The following INPP4A variants were observed in gnomAD, a reference collection of about 807,000 sequenced individuals.
INPP4A encodes the protein inositol polyphosphate-4-phosphatase type I A.
Under a neutral mutation model 119.8 loss-of-function variants are expected in INPP4A, and 33 were observed. That is an observed-to-expected ratio of 0.28 (90% CI 0.21 to 0.37). INPP4A has a LOEUF of 0.37. INPP4A is among the 10% of genes least tolerant of loss of function. INPP4A has a pLI of 1.00. For synonymous variants in INPP4A, 496 were observed against 500.7 expected, an observed-to-expected ratio of 0.99 and a Z score of 0.12; for missense variants, 956 against 1,289.9, an observed-to-expected ratio of 0.74 and a Z score of 3.97.
chr2:98,515,395 C>A (rs1440912592), intron 1 of INPP4A, among the ~76,000 whole-genome samples: 1 of 151,548 alleles, frequency 6.6e-6, no homozygotes, highest in African/African-American at 2.4e-5. Flanking sequence ...GCTTCTCAGC[C>A]CATTTGCTGC....
chr2:98,499,898 C>T (rs918449191), intron 1 of INPP4A, among the ~76,000 whole-genome samples: 1 of 152,214 alleles, frequency 6.6e-6, no homozygotes, highest in East Asian at 1.9e-4. Flanking sequence ...GTCAGGCTAA[C>T]TGACCAGCCT....
chr2:98,525,092 G>A (rs1434579013), intron 4 of INPP4A, among the ~76,000 whole-genome samples: 2 of 152,132 alleles, frequency 1.3e-5, no homozygotes, highest in African/African-American at 4.8e-5. Flanking sequence ...CTATTTCCTT[G>A]CTCATTCGCG....
intron 1 of INPP4A, among the ~76,000 whole-genome samples, chr2:98,495,821 A>G (rs1172412596): frequency 1.3e-5 from 2 of 152,212 alleles, no homozygotes; most frequent in Non-Finnish European, 2.9e-5. Context: ...AAATCGTGCC[A>G]GACTCTTAGT....
chr2:98,531,916 T>G (rs536029981), intron 4 of INPP4A, among the ~76,000 whole-genome samples: 25 of 152,296 alleles, frequency 1.6e-4, no homozygotes, highest in African/African-American at 6.0e-4. Context: ...GGGGTAAACA[T>G]CTGGGTTATA....
chr2:98,461,698 C>T (rs970435144), intron 1 of INPP4A, among the ~76,000 whole-genome samples: 2 of 152,160 alleles, frequency 1.3e-5, no homozygotes, highest in South Asian at 4.1e-4. Flanking sequence ...TGAAGTTATG[C>T]TGTGTATATG....
intron 24 of INPP4A, among the ~76,000 whole-genome samples, chr2:98,582,800 T>G (rs1699506356): frequency 6.8e-6 from 1 of 148,036 alleles, no homozygotes; most frequent in African/African-American, 2.5e-5. Context: ...ACCTACCGCA[T>G]AAGTCAGACA....
At chr2:98,488,831 G>T (rs1051461136) in intron 1 of INPP4A, among the ~76,000 whole-genome samples, 8 of 152,136 alleles carry the variant, frequency 5.3e-5, no homozygotes, top group African/African-American at 1.9e-4. Flanking sequence ...CGGGCTGGAG[G>T]GGGTGGAGTA....
intron 10 of INPP4A, among the ~76,000 whole-genome samples, chr2:98,542,485 C>T (rs1445545826): frequency 2.6e-5 from 4 of 152,184 alleles, no homozygotes; most frequent in Admixed American, 2.6e-4. Context: ...TTCTGATCTA[C>T]TTCCCGGAAG....
rs201695585 is a variant in INPP4A, at chr2:98,564,771, G to T, written c.2152+8G>T. ...GCCTGCTGAGCACCTACGGTGAGGC[G>T]CCCGGGCCAGGATCGGGAGCCCCAC... On this transcript the variant is annotated splice_region_variant and intron_variant, in intron 19 of 24. Transcript: ENST00000409851. The T allele has an allele frequency of 4.4e-6, 7 of 1,574,410 alleles. No individual in the cohort carries two copies. The highest frequency in any genetic ancestry group is 1.7e-4 in the Middle Eastern group (1 of 6,028).
chr2:98,560,988 C>G (rs1338294231), intron 17 of INPP4A, among the ~76,000 whole-genome samples: 1 of 152,198 alleles, frequency 6.6e-6, no homozygotes, highest in East Asian at 1.9e-4. Context: ...ACAGTTGATG[C>G]TGATGGACTA....
chr2:98,543,473 C>T (rs1022058787), intron 10 of INPP4A, among the ~76,000 whole-genome samples: 2 of 152,198 alleles, frequency 1.3e-5, no homozygotes, highest in Admixed American at 6.5e-5. Context: ...CTGCAGTCCT[C>T]TCTGTTCCGG....
intron 14 of INPP4A, among the ~76,000 whole-genome samples, 195 bp downstream of exon 14, chr2:98,553,164 AGGGCAGAG>A (rs1693834631): frequency 1.3e-5 from 2 of 152,252 alleles, no homozygotes; most frequent in Non-Finnish European, 2.9e-5. Context: ...GGACAGACCA[AGGGCAGAG>A]CCCAGGGCTC....
At chr2:98,499,580 C>T (rs560312946) in intron 1 of INPP4A, among the ~76,000 whole-genome samples, 3 of 152,342 alleles carry the variant, frequency 2.0e-5, no homozygotes, top group South Asian at 2.1e-4. Context: ...TGGAGGCTTA[C>T]TTATTTTCTC....
chr2:98,470,673 T>C (rs970046034), intron 1 of INPP4A, among the ~76,000 whole-genome samples: 17 of 152,066 alleles, frequency 1.1e-4, no homozygotes, highest in African/African-American at 2.2e-4. Flanking sequence ...TTTTCTTTTT[T>C]TTTTTGTTTT....
chr2:98,558,646 A>G (rs1191892639), intron 16 of INPP4A, among the ~76,000 whole-genome samples: 1 of 152,216 alleles, frequency 6.6e-6, no homozygotes, highest in African/African-American at 2.4e-5. Context: ...TCCTGAAGAC[A>G]TTGTTTGAAC....
intron 1 of INPP4A, among the ~76,000 whole-genome samples, chr2:98,466,704 A>G (rs1340918321): frequency 6.6e-6 from 1 of 152,184 alleles, no homozygotes; most frequent in Non-Finnish European, 1.5e-5. Context: ...CCAAACTCAC[A>G]GGAGAGAGAG....
rs1356138334 is a variant in INPP4A, at chr2:98,589,705, TGAGGGTGTGTGGCACA to T, written c.*2102_*2117del. ...TCACACGCTTCCAGTGCCTGCAGGG[TGAGGGTGTGTGGCACA>T]GAGGCAAGCAGCTCCTCTCTTCTGT... On this transcript the variant is annotated 3_prime_UTR_variant, in exon 25 of 25. Coordinates refer to ENST00000409851, the MANE Select transcript of INPP4A (RefSeq NM_001134225.2). The T allele has an allele frequency of 5.5e-6, 1 of 181,034 alleles. No individual in the cohort carries two copies. The highest frequency in any genetic ancestry group is 6.3e-5 in the Admixed American group (1 of 15,890). The allele number at this position is 181,034 out of a possible 1,614,324, so 11.2% of individuals were successfully genotyped here. A position where few individuals can be genotyped will look rare whatever the true frequency, so the allele number is the denominator to read the frequency against.
At chr2:98,474,800 A>G (rs1161827330) in intron 1 of INPP4A, among the ~76,000 whole-genome samples, 1 of 152,154 alleles carries the variant, frequency 6.6e-6, no homozygotes, top group African/African-American at 2.4e-5. Flanking sequence ...AACATCTTCA[A>G]ATAAGTTTTC....
At position 98,589,038 on chromosome 2, in the gene INPP4A, G is replaced by A. The variant is rs1056913998; in HGVS notation, c.*1430G>A. On this transcript the variant is annotated 3_prime_UTR_variant, in exon 25 of 25. Coordinates refer to ENST00000409851, the MANE Select transcript of INPP4A (RefSeq NM_001134225.2). ...GGAACACAGAGGGGGTGGGCATCAGGTAGGGTGGAACTGGATGACCTTCCA... is the reference window on the plus strand; with the variant it reads ...GGAACACAGAGGGGGTGGGCATCAGATAGGGTGGAACTGGATGACCTTCCA... The A allele has an allele frequency of 4.9e-5, 9 of 182,704 alleles. No individual in the cohort carries two copies. Among genetic ancestry groups the A allele is most frequent in the Non-Finnish European group, 1.0e-4 (9 of 85,892 alleles). 11.3% of individuals were successfully genotyped at this position (182,704 alleles called of 1,614,324 possible). A position where few individuals can be genotyped will look rare whatever the true frequency, so the allele number is the denominator to read the frequency against.
Sources: gnomAD v4.1 joint callset for allele counts (sites outside exome capture counted in the v4.1 genomes callset) on GRCh38, gnomAD v4.1.1 for gene constraint, MANE v1.5 for transcripts, NCBI Gene and HGNC (gene_info 2026-07-23, HGNC 2026-07-21) for gene names.